ANO1: variants seen among roughly 807,000 people sequenced by gnomAD.
ANO1 encodes the protein anoctamin-1.
Under a neutral mutation model 124.0 loss-of-function variants are expected in ANO1, and 59 were observed. That is an observed-to-expected ratio of 0.48 (90% CI 0.39 to 0.59). The LOEUF is 0.59. Ranked by LOEUF, ANO1 falls within the 20% of genes least tolerant of loss-of-function variation. The pLI is 0.00. For synonymous variants in ANO1, 529 were observed against 532.0 expected (o/e 0.99, Z 0.08); for missense variants, 1,059 against 1,328.0 (o/e 0.80, Z 3.15).
chr11:70,015,495 G>A (rs1184067810), intron 1 of ANO1, among the ~76,000 whole-genome samples: 1 of 152,178 alleles, frequency 6.6e-6, no homozygotes, highest in African/African-American at 2.4e-5. Context: ...GCCCTGGGCG[G>A]GTGGGGCAGA....
chr11:70,006,663 C>CTTTCTTTTTT (rs1856495151), intron 1 of ANO1, among the ~76,000 whole-genome samples: 1 of 88,996 alleles, frequency 1.1e-5, no homozygotes, highest in Non-Finnish European at 2.1e-5. Context: ...TTTCTTCTTT[C>CTTTCTTTTTT]TTTTTTTTTT....
chr11:70,105,841 T>A lies in ANO1; in HGVS notation c.747+53T>A, dbSNP rs562799017. 1.3e-3 allele frequency: 1,977 copies of A among 1,560,012 alleles called. 42 individuals are homozygous for A. In the South Asian group the frequency reaches 0.021, roughly 17 times the overall value. On this transcript the variant is annotated intron_variant, in intron 5 of 25. Transcript: ENST00000355303. ...CTCACTGGCAAGATGGCCCTGGGGATCCAGATGATAATTTCATTTTGGTGA... is the reference window on the plus strand; with the variant it reads ...CTCACTGGCAAGATGGCCCTGGGGAACCAGATGATAATTTCATTTTGGTGA...
chr11:69,991,865 T>C (rs557589980), intron 1 of ANO1, among the ~76,000 whole-genome samples: 5 of 152,102 alleles, frequency 3.3e-5, no homozygotes, highest in Admixed American at 6.5e-5. Flanking sequence ...TGTAGAAGGG[T>C]TCTAATTCTG....
chr11:70,035,984 T>C (rs1555004364), intron 1 of ANO1, among the ~76,000 whole-genome samples: 2 of 152,214 alleles, frequency 1.3e-5, no homozygotes, highest in African/African-American at 4.8e-5. Flanking sequence ...GCAATAAACA[T>C]ACATGTGCAC....
At chr11:70,022,555 G>A (rs912730851) in intron 1 of ANO1, among the ~76,000 whole-genome samples, 2 of 151,434 alleles carry the variant, frequency 1.3e-5, no homozygotes, top group Non-Finnish European at 2.9e-5. Context: ...GCAGTGAGCC[G>A]AGATCATGCC....
At chr11:70,185,840 C>T (rs1001924341) in intron 25 of ANO1, 145 bp downstream of exon 25, 15 of 904,490 alleles carry the variant, frequency 1.7e-5, no homozygotes, top group South Asian at 1.0e-4. Context: ...CTGGGACACC[C>T]GAGGAGGGGA....
intron 1 of ANO1, among the ~76,000 whole-genome samples, chr11:70,063,386 A>G (rs548462334): frequency 2.4e-4 from 37 of 152,196 alleles, no homozygotes; most frequent in Middle Eastern, 3.2e-3. Flanking sequence ...AGTGGTCTGG[A>G]GACCAGTGAC....
intron 16 of ANO1, among the ~76,000 whole-genome samples, chr11:70,158,644 G>A (rs1169979093): frequency 6.6e-5 from 10 of 152,254 alleles, no homozygotes; most frequent in Admixed American, 6.5e-4. Context: ...ACAGAGGCGG[G>A]GGGCTGTCTT....
intron 1 of ANO1, among the ~76,000 whole-genome samples, chr11:70,081,638 A>G (rs747801372): frequency 5.3e-5 from 8 of 152,248 alleles, no homozygotes; most frequent in Non-Finnish European, 1.2e-4. Context: ...ATGGATATGA[A>G]TTCAGTTCCT....
chr11:70,096,797 A>G (rs533113743), intron 2 of ANO1, among the ~76,000 whole-genome samples: 1 of 152,004 alleles, frequency 6.6e-6, no homozygotes, highest in South Asian at 2.1e-4. Context: ...GGAGGCGGAG[A>G]TTGCAGTCAG....
chr11:69,972,872 C>A, the ANO1 span, among the ~76,000 whole-genome samples: 20 of 151,980 alleles, frequency 1.3e-4, no homozygotes, highest in Admixed American at 8.5e-4. Flanking sequence ...CCTGGCCTGG[C>A]CCCTATCTGG....
chr11:69,975,229 G>A, the ANO1 span, among the ~76,000 whole-genome samples: 1 of 152,240 alleles, frequency 6.6e-6, no homozygotes, highest in Non-Finnish European at 1.5e-5. Flanking sequence ...CTGCCAGGGA[G>A]ATGGAGCAGT....
At chr11:69,977,777 G>T in the ANO1 span, among the ~76,000 whole-genome samples, 3 of 152,234 alleles carry the variant, frequency 2.0e-5, no homozygotes, top group Non-Finnish European at 4.4e-5. Context: ...GAGACCCAGC[G>T]CTCTGAAGAC....
intron 8 of ANO1, among the ~76,000 whole-genome samples, chr11:70,118,146 T>C (rs1306073548): frequency 6.6e-6 from 1 of 151,964 alleles, no homozygotes; most frequent in Non-Finnish European, 1.5e-5. Flanking sequence ...AGTCCCTTTC[T>C]AGCCGAATTC....
At chr11:70,116,433 C>T (rs372837155) in intron 7 of ANO1, 25 bp from the exon 8 acceptor site, 81 of 1,586,300 alleles carry the variant, frequency 5.1e-5, no homozygotes, top group African/African-American at 4.6e-4. Context: ...ATGATAAGAA[C>T]GTCCCTTTCC....
At chr11:69,983,095 G>A (rs1855972795), upstream of ANO1, among the ~76,000 whole-genome samples, 1 of 152,098 alleles carries the variant, frequency 6.6e-6, no homozygotes, top group South Asian at 2.1e-4. Context: ...CTGAGACCCA[G>A]CAGCATTGGG....
chr11:69,980,204 G>T, the ANO1 span, among the ~76,000 whole-genome samples: 1 of 151,224 alleles, frequency 6.6e-6, no homozygotes, highest in African/African-American at 2.5e-5. Context: ...CAATTCATCT[G>T]AGGTCCCTAG....
intron 1 of ANO1, among the ~76,000 whole-genome samples, chr11:70,045,373 G>A (rs1355144714): frequency 6.6e-6 from 1 of 152,194 alleles, no homozygotes; most frequent in African/African-American, 2.4e-5. Flanking sequence ...TGCCCTAGAA[G>A]TAAAATCTCT....
chr11:70,154,975 G>A (rs984059128), intron 14 of ANO1, among the ~76,000 whole-genome samples: 5 of 152,228 alleles, frequency 3.3e-5, no homozygotes, highest in Non-Finnish European at 7.3e-5. Flanking sequence ...CAAAAGGCCT[G>A]GATGCCATCA....
Sources: gnomAD v4.1 joint callset for allele counts (sites outside exome capture counted in the v4.1 genomes callset) on GRCh38, gnomAD v4.1.1 for gene constraint, MANE v1.5 for transcripts, NCBI Gene and HGNC (gene_info 2026-07-23, HGNC 2026-07-21) for gene names.